The following ADIG variants were observed in gnomAD, a reference collection of about 807,000 sequenced individuals.
ADIG encodes the protein adipogenin, also known as adipogenesis associated.
Under a neutral mutation model 10.7 loss-of-function variants are expected in ADIG, and 12 were observed. The observed-to-expected ratio is 1.12, with a 90% CI of 0.72 to 1.82. The LOEUF (loss-of-function observed/expected upper bound fraction) is 1.82, where lower values mean the gene tolerates loss of function less well. Ranked by LOEUF, ADIG falls within the 40% of genes most tolerant of loss-of-function variation. ADIG has a pLI of 0.00. For synonymous variants in ADIG, 32 were observed against 35.6 expected, an observed-to-expected ratio of 0.90 and a Z score of 0.36; for missense variants, 72 against 92.5, an observed-to-expected ratio of 0.78 and a Z score of 0.91.
At chr20:38,581,408 A>C in intron 1 of ADIG, 34 bp downstream of exon 1, 1 of 1,613,168 alleles carries the variant, frequency 6.2e-7, no homozygotes, top group Non-Finnish European at 8.5e-7. Flanking sequence ...CAGGACCCTA[A>C]TCCTGGAGCT....
intron 1 of ADIG, among the ~76,000 whole-genome samples, chr20:38,584,444 C>CT (rs1285701421): frequency 6.6e-6 from 1 of 152,198 alleles, no homozygotes. Context: ...GGGTTTGGGG[C>CT]TGAAACAGAA....
intron 1 of ADIG, chr20:38,585,324 A>G: frequency 8.3e-7 from 1 of 1,202,762 alleles, no homozygotes; most frequent in Non-Finnish European, 1.2e-6. Context: ...CTGTTAGCAA[A>G]CTCATTAACG....
intron 2 of ADIG, among the ~76,000 whole-genome samples, chr20:38,587,305 G>A (rs142026255): frequency 1.4e-3 from 218 of 151,106 alleles, no homozygotes; most frequent in Non-Finnish European, 2.7e-3. Context: ...ACTAGCCCCC[G>A]ACCCTGTCTG....
In ADIG at chr20:38,581,367, T is replaced by G; in HGVS notation, c.117T>G (p.Leu39=). 1 of 1,613,994 alleles carries G rather than the reference T, an allele frequency of 6.2e-7. No individual in the cohort carries two copies. Among genetic ancestry groups the G allele is most frequent in the Non-Finnish European group, 8.5e-7 (1 of 1,179,882 alleles). ...LLLIIWLRFL[L]SQDSEENDSS... The stretch of plus-strand genomic sequence containing the variant: ...TGATCATCTGGCTACGCTTCTTACT[T>G]AGCCAAGGTGAGCTTCTTACCCCGT... Residue 39 remains leucine (L), a synonymous_variant, in exon 1 of 3, where the codon CTT becomes CTG. Coordinates refer to ENST00000537425, the MANE Select transcript of ADIG (RefSeq NM_001393816.1).
rs1373951790 is a variant in ADIG, at chr20:38,586,667, A to G, written c.*14+506A>G. ...GTGGCTGCATCCAAAGCCCCAAAAT[A>G]CTGCCAGACACATGCTAGAGGCTCA... On this transcript the variant is annotated intron_variant, in intron 2 of 2. Transcript: ENST00000537425. Among the ~76,000 whole-genome samples, 6 of 152,128 alleles carry G rather than the reference A, an allele frequency of 3.9e-5. No homozygotes were observed. In the East Asian group the frequency reaches 1.2e-3, roughly 29 times the overall value.
chr20:38,586,397 C>T (rs1288248269), intron 2 of ADIG: 19 of 486,540 alleles, frequency 3.9e-5, no homozygotes. Flanking sequence ...AGGTCCCCTA[C>T]CCTTTACCCT....
intron 2 of ADIG, among the ~76,000 whole-genome samples, chr20:38,586,413 C>A (rs1294354613): frequency 6.6e-6 from 1 of 152,192 alleles, no homozygotes; most frequent in Non-Finnish European, 1.5e-5. Context: ...ACCCTAGGGC[C>A]TCACCCCCCA....
At chr20:38,586,198 C>G in intron 2 of ADIG, 37 bp downstream of exon 2, 1 of 1,524,066 alleles carries the variant, frequency 6.6e-7, no homozygotes, top group South Asian at 1.2e-5. Flanking sequence ...AGCCTCAAGG[C>G]CCACCCAAAG....
chr20:38,581,518 T>C lies in ADIG; in HGVS notation c.124+144T>C, dbSNP rs1169433153. On this transcript the variant is annotated intron_variant, in intron 1 of 2. Transcript: ENST00000537425. ...CGCTTAGATACAAGCAGTCAACTCT[T>C]AAGTGGAAAGGATTGGTTTGGTTGT... 2.4e-6 allele frequency: 3 copies of C among 1,266,380 alleles called. No homozygotes were observed. The South Asian group carries it at 4.3e-5, about 18-fold the overall frequency. The allele number at this position is 1,266,380 out of a possible 1,614,324, so 78.4% of individuals were successfully genotyped here.
chr20:38,587,520 T>C (rs2145581445), intron 2 of ADIG, among the ~76,000 whole-genome samples: 1 of 152,318 alleles, frequency 6.6e-6, no homozygotes, highest in East Asian at 1.9e-4. Context: ...CTTGGTTTCA[T>C]GCTTGGCTAT....
At position 38,588,371 on chromosome 20, in the gene ADIG, G is replaced by A. The variant is rs2088655528; in HGVS notation, c.*285G>A. On this transcript the variant is annotated 3_prime_UTR_variant, in exon 3 of 3. Transcript: ENST00000537425. ...GGGAGAAATTGGCCAATTTAATTCA[G>A]AGGGGTCTTAAAGCAGGGCTGGGCC... 6.2e-6 allele frequency: 8 copies of A among 1,293,940 alleles called. No individual in the cohort carries two copies. Among genetic ancestry groups the A allele is most frequent in the Non-Finnish European group, 8.1e-6 (8 of 983,642 alleles). 80.2% of individuals were successfully genotyped at this position (1,293,940 alleles called of 1,614,324 possible).
Position 38,588,404 on chromosome 20 carries a change from G to T in ADIG, c.*318G>T, listed in dbSNP as rs1441386372. The T allele has an allele frequency of 8.0e-7, 1 of 1,242,540 alleles. No homozygotes were observed. Among genetic ancestry groups the T allele is most frequent in the Admixed American group, 2.9e-5 (1 of 34,562 alleles). 77.0% of individuals were successfully genotyped at this position (1,242,540 alleles called of 1,614,324 possible). ...TTAAAGCAGGGCTGGGCCGGAGGGT[G>T]TGGGTCCATATTAAAGAAGCAAGGG... On this transcript the variant is annotated 3_prime_UTR_variant, in exon 3 of 3. Transcript: ENST00000537425.
At chr20:38,587,878 C>T (rs1037574744) in intron 2 of ADIG, among the ~76,000 whole-genome samples, 3 of 152,086 alleles carry the variant, frequency 2.0e-5, no homozygotes, top group Non-Finnish European at 4.4e-5. Flanking sequence ...GCTGGGATTA[C>T]AGGCACATGC....
intron 1 of ADIG, among the ~76,000 whole-genome samples, chr20:38,584,549 A>G (rs569418191): frequency 3.3e-5 from 5 of 152,332 alleles, no homozygotes; most frequent in Admixed American, 2.0e-4. Flanking sequence ...ACCCAATGGA[A>G]CCGTGGAGTG....
At chr20:38,585,972 T>A in intron 1 of ADIG, 57 bp from the exon 2 acceptor site, 1 of 1,514,546 alleles carries the variant, frequency 6.6e-7, no homozygotes, top group Non-Finnish European at 9.0e-7. Context: ...CCTTCCTGGG[T>A]CAGGGGTAGG....
chr20:38,581,357 G>C lies in ADIG; in HGVS notation c.107G>C (p.Arg36Pro), dbSNP rs373626829. Residue 36 changes from arginine (R) to proline (P), a missense_variant, in exon 1 of 3, where the codon CGC becomes CCC. Transcript: ENST00000537425. Reference sequence around the variant, plus strand: ...CTGTTGTTATTGATCATCTGGCTACGCTTCTTACTTAGCCAAGGTGAGCTT... The same window carrying C: ...CTGTTGTTATTGATCATCTGGCTACCCTTCTTACTTAGCCAAGGTGAGCTT... ...GLLLLLIIWL[R>P]FLLSQDSEEN... 1 of 1,613,974 alleles carries C rather than the reference G, an allele frequency of 6.2e-7. No individual in the cohort carries two copies. Among genetic ancestry groups the C allele is most frequent in the Non-Finnish European group, 8.5e-7 (1 of 1,179,882 alleles).
chr20:38,582,857 AG>A (rs1162469646), intron 1 of ADIG, among the ~76,000 whole-genome samples: 6 of 152,124 alleles, frequency 3.9e-5, no homozygotes, highest in African/African-American at 1.4e-4. Flanking sequence ...TACTCTTGTC[AG>A]CCAGGCTGGA....
intron 1 of ADIG, 32 bp from the exon 2 acceptor site, chr20:38,585,997 C>T (rs373554790): frequency 3.5e-5 from 54 of 1,563,326 alleles, no homozygotes; most frequent in Non-Finnish European, 4.3e-5. Flanking sequence ...AGGATGTGAC[C>T]ATCCAAGAGG....
rs2088588452 is a variant in ADIG at position 38,581,260 on chromosome 20, C to G, written c.10C>G (p.Pro4Ala). MKY[P>A]LMPLVNDLTF... ...TAGCCACACATGCGCCATGAAGTAC[C>G]CTTTGATGCCGCTGGTGAACGACCT... is the stretch of plus-strand genomic sequence containing the variant. Residue 4 changes from proline (P) to alanine (A), a missense_variant, in exon 1 of 3, where the codon CCT (proline) becomes GCT (alanine). Pro to Ala is a conservative substitution (Grantham distance 27). Transcript: ENST00000537425. 1.2e-6 allele frequency: 2 copies of G among 1,612,294 alleles called. No individual in the cohort carries two copies. Among genetic ancestry groups the G allele is most frequent in the Non-Finnish European group, 1.7e-6 (2 of 1,179,254 alleles).
Sources: allele counts gnomAD v4.1 joint callset (sites outside exome capture counted in the v4.1 genomes callset), GRCh38; gene constraint gnomAD v4.1.1; transcripts MANE v1.5; gene names NCBI Gene and HGNC (gene_info 2026-07-23, HGNC 2026-07-21).